Variants in NDRG2 observed in about 807,000 individuals in gnomAD.
NDRG2 encodes NDRG family member 2.
A neutral mutation model predicts 58.2 loss-of-function variants in NDRG2; 34 were observed. The observed-to-expected ratio is 0.58, with a 90% CI of 0.44 to 0.78. NDRG2 has a LOEUF of 0.78. NDRG2 is among the 30% of genes least tolerant of loss of function. The pLI, the probability that NDRG2 is intolerant of heterozygous loss-of-function variation, is 0.00. For synonymous variants in NDRG2, 187 were observed against 175.9 expected, an observed-to-expected ratio of 1.06 and a Z score of -0.50; for missense variants, 434 against 471.2, an observed-to-expected ratio of 0.92 and a Z score of 0.73.
At chr14:21,053,791 A>G (rs2139140866) in intron 1 of NDRG2, among the ~76,000 whole-genome samples, 2 of 152,250 alleles carry the variant, frequency 1.3e-5, no homozygotes, top group African/African-American at 4.8e-5. Context: ...GTGACAGAGC[A>G]AGACCCTGCC....
chr14:21,039,273 G>A (rs776146796), intron 1 of NDRG2, among the ~76,000 whole-genome samples: 7 of 152,132 alleles, frequency 4.6e-5, no homozygotes, highest in East Asian at 1.9e-4. Context: ...CACAACACCC[G>A]CCCCAACTTA....
chr14:21,043,931 C>T (rs1594498608), intron 1 of NDRG2: 3 of 173,820 alleles, frequency 1.7e-5, no homozygotes. Context: ...TCCTCTAATC[C>T]CTTGTGACAT....
chr14:21,064,579 G>C (rs1353176592), intron 1 of NDRG2, among the ~76,000 whole-genome samples: 1 of 152,184 alleles, frequency 6.6e-6, no homozygotes, highest in Non-Finnish European at 1.5e-5. Flanking sequence ...TGGGATTACA[G>C]GTGTGAGCCA....
intron 1 of NDRG2, among the ~76,000 whole-genome samples, chr14:21,053,003 G>A (rs1885531878): frequency 6.6e-6 from 1 of 152,152 alleles, no homozygotes; most frequent in African/African-American, 2.4e-5. Context: ...TGAAAGATTA[G>A]AAACAGTCAA....
At chr14:21,053,584 G>A (rs781482029) in intron 1 of NDRG2, among the ~76,000 whole-genome samples, 7 of 152,044 alleles carry the variant, frequency 4.6e-5, no homozygotes, top group South Asian at 2.1e-4. Context: ...CCGAGATCTC[G>A]CCACTGCAGT....
Position 21,019,702 on chromosome 14 carries a change from C to G in NDRG2, c.653G>C (p.Arg218Thr). The G allele has an allele frequency of 6.2e-7, 1 of 1,613,914 alleles. No homozygotes were observed. The highest frequency in any genetic ancestry group is 8.5e-7 in the Non-Finnish European group (1 of 1,179,810). ...SGNSELIQKYRNIITHAPNLD... is the reference protein window; with the variant it reads ...SGNSELIQKYTNIITHAPNLD... ...GTTGGGTGCATGTGTAATGATATTT[C>G]TGTACTTTTGTATCAACTCAGAATT... Residue 218 changes from arginine (R) to threonine (T), a missense_variant, in exon 10 of 16, where the codon AGA becomes ACA. Physicochemically the swap from Arg to Thr is moderately conservative, Grantham distance 71. Coordinates refer to ENST00000556147, the MANE Select transcript of NDRG2 (RefSeq NM_001320329.2).
At position 21,020,056 on chromosome 14, in the gene NDRG2, G is replaced by A. The variant is rs1217272100; in HGVS notation, c.556-80C>T. Reference sequence around the variant, plus strand: ...CACGTCTGTAATCCCAGCACTTTGGGAGGCCGAGGCGGGTGGATCACGAGG... The same window carrying A: ...CACGTCTGTAATCCCAGCACTTTGGAAGGCCGAGGCGGGTGGATCACGAGG... On this transcript the variant is annotated intron_variant, in intron 8 of 15. Coordinates refer to ENST00000556147, the MANE Select transcript of NDRG2 (RefSeq NM_001320329.2). 2.2e-6 allele frequency: 3 copies of A among 1,340,936 alleles called. No individual in the cohort carries two copies. In the East Asian group the frequency reaches 7.0e-5, roughly 31 times the overall value. The allele number at this position is 1,340,936 out of a possible 1,614,324, so 83.1% of individuals were successfully genotyped here.
upstream of NDRG2, chr14:21,025,385 A>T: frequency 1.0e-6 from 1 of 985,476 alleles, no homozygotes; most frequent in Non-Finnish European, 1.2e-6. This position sits in a 1 kb window ranked among gnomAD's most constrained non-coding sequence, Gnocchi z 5.1. Flanking sequence ...GCACCGCCCC[A>T]TCCACGACCT....
In NDRG2 at chr14:21,036,132, G is replaced by T. The variant is rs528227056; in HGVS notation, c.25-12811C>A. On this transcript the variant is annotated intron_variant, in intron 1 of 14. Transcript: ENST00000403829. ...TGAGCCTGAGTCCATCAGTCACACA[G>T]CCCTGACAATCTTAAACTTTTCCCA... is the stretch of plus-strand genomic sequence containing the variant. 2.3e-4 allele frequency: 104 copies of T among 453,858 alleles called. 1 individual carries two copies. The highest frequency in any genetic ancestry group is 2.0e-3 in the African/African-American group (102 of 50,140). 28.1% of individuals were successfully genotyped at this position (453,858 alleles called of 1,614,324 possible). A position where few individuals can be genotyped will look rare whatever the true frequency, so the allele number is the denominator to read the frequency against.
At chr14:21,019,012 T>C (rs1007050429) in intron 11 of NDRG2, 104 bp downstream of exon 11, 7 of 1,363,992 alleles carry the variant, frequency 5.1e-6, no homozygotes, top group East Asian at 4.6e-5. Flanking sequence ...GGGTGGGACA[T>C]GACAAGGAAG....
At chr14:21,035,584 G>A (rs1243463) in intron 1 of NDRG2, among the ~76,000 whole-genome samples, 135,292 of 152,190 alleles carry the variant, frequency 0.89, 60,194 homozygotes, top group East Asian at 0.92. Flanking sequence ...CCTTTGCTGG[G>A]CAGCAGAAAA....
intron 1 of NDRG2, among the ~76,000 whole-genome samples, chr14:21,041,779 C>G (rs763049495): frequency 6.6e-6 from 1 of 152,210 alleles, no homozygotes; most frequent in Non-Finnish European, 1.5e-5. Flanking sequence ...TGGTTGGTAC[C>G]TGGAACTGGA....
upstream of NDRG2, chr14:21,025,570 G>A (rs1256855105): frequency 2.0e-6 from 2 of 985,482 alleles, no homozygotes; most frequent in East Asian, 2.3e-4. This position sits in a 1 kb window ranked among gnomAD's most constrained non-coding sequence, Gnocchi z 5.1. Flanking sequence ...TGAGGAGGCG[G>A]GGGTCTCGCC....
chr14:21,068,704 G>C (rs534739546), intron 1 of NDRG2, among the ~76,000 whole-genome samples: 2 of 152,320 alleles, frequency 1.3e-5, no homozygotes, highest in East Asian at 3.9e-4. Context: ...TCCCCTAGCC[G>C]GGTGTTAGAA....
chr14:21,031,521 A>C (rs1884142419), intron 1 of NDRG2, among the ~76,000 whole-genome samples: 1 of 152,080 alleles, frequency 6.6e-6, no homozygotes, highest in African/African-American at 2.4e-5. Context: ...CCTGCCTCTC[A>C]CCTACTCCCT....
chr14:21,031,235 A>C, intron 1 of NDRG2: 1 of 1,552,906 alleles, frequency 6.4e-7, no homozygotes, highest in Non-Finnish European at 8.7e-7. Context: ...ACCCTCCCTA[A>C]CCCTGCCAAC....
intron 1 of NDRG2, among the ~76,000 whole-genome samples, chr14:21,036,644 C>G (rs1305586938): frequency 6.6e-6 from 1 of 152,158 alleles, no homozygotes; most frequent in Non-Finnish European, 1.5e-5. Context: ...GCATCCCTGC[C>G]TGCTTCCCAC....
chr14:21,061,273 C>A (rs1417937583), intron 1 of NDRG2, among the ~76,000 whole-genome samples: 1 of 152,220 alleles, frequency 6.6e-6, no homozygotes, highest in African/African-American at 2.4e-5. Context: ...CATTCAATAT[C>A]TGTAAGAGTT....
upstream of NDRG2, chr14:21,028,563 G>A (rs1204239043): frequency 6.6e-6 from 1 of 152,114 alleles, no homozygotes; most frequent in Non-Finnish European, 1.5e-5. Context: ...GGTAGATTGG[G>A]GCCTAGTTAG....
Sources: allele counts gnomAD v4.1 joint callset (sites outside exome capture counted in the v4.1 genomes callset), GRCh38; gene constraint gnomAD v4.1.1; non-coding constraint Gnocchi (gnomAD v3.1); transcripts MANE v1.5; gene names NCBI Gene and HGNC (gene_info 2026-07-23, HGNC 2026-07-21).